DDAH1: variants seen among roughly 807,000 people sequenced by gnomAD.
The protein encoded by DDAH1 is N(G),N(G)-dimethylarginine dimethylaminohydrolase 1.
A neutral mutation model predicts 28.8 loss-of-function variants in DDAH1; 19 were observed. That is an observed-to-expected ratio of 0.66 (90% confidence interval 0.46 to 0.97). The LOEUF is 0.97. Ranked by LOEUF, DDAH1 falls within the 50% of genes least tolerant of loss-of-function variation. DDAH1 has a pLI of 0.00. For synonymous variants in DDAH1, 153 were observed against 154.4 expected (o/e 0.99, Z 0.07); for missense variants, 326 against 375.9 (o/e 0.87, Z 1.10).
chr1:85,465,244 T>G, upstream of DDAH1: 2 of 1,085,436 alleles, frequency 1.8e-6, no homozygotes, highest in Non-Finnish European at 2.2e-6. Context: ...CCCGCGCGCA[T>G]CCCGCGCGCC....
intron 1 of DDAH1, among the ~76,000 whole-genome samples, chr1:85,457,543 T>C (rs905064370): frequency 1.6e-4 from 24 of 152,218 alleles, no homozygotes; most frequent in African/African-American, 5.8e-4. Context: ...AGACAGTTAT[T>C]GAATGTACTA....
At chr1:85,533,371 A>G (rs1307767485) in intron 1 of DDAH1, among the ~76,000 whole-genome samples, 1 of 151,968 alleles carries the variant, frequency 6.6e-6, no homozygotes, top group Non-Finnish European at 1.5e-5. Flanking sequence ...GGGTCTCACT[A>G]TATTGTCCAG....
chr1:85,453,325 A>C (rs892771507), intron 1 of DDAH1, among the ~76,000 whole-genome samples: 4 of 152,212 alleles, frequency 2.6e-5, no homozygotes, highest in Non-Finnish European at 5.9e-5. Context: ...CTCACAAAGA[A>C]AAATGCAGAC....
At chr1:85,441,916 T>G (rs191442899) in intron 1 of DDAH1, among the ~76,000 whole-genome samples, 1 of 152,264 alleles carries the variant, frequency 6.6e-6, no homozygotes, top group Non-Finnish European at 1.5e-5. Context: ...TTATAAAGAC[T>G]TTTCATATAT....
intron 2 of DDAH1, among the ~76,000 whole-genome samples, chr1:85,485,552 G>A (rs1353549753): frequency 6.6e-6 from 1 of 152,072 alleles, no homozygotes; most frequent in East Asian, 1.9e-4. Context: ...CTAAAGTCCT[G>A]CAAATTTTGT....
At chr1:85,359,133 T>C (rs233095) in intron 1 of DDAH1, among the ~76,000 whole-genome samples, 45,609 of 152,148 alleles carry the variant, frequency 0.3, 7,513 homozygotes, top group South Asian at 0.4. Flanking sequence ...ACAATACTGT[T>C]GGAGGCCGAC....
chr1:85,550,032 T>A (rs10782552), intron 1 of DDAH1, among the ~76,000 whole-genome samples: 134,669 of 152,166 alleles, frequency 0.89, 59,696 homozygotes, highest in South Asian at 0.96. Context: ...GTAGCTACAG[T>A]GTCATAAAAT....
At chr1:85,409,430 G>A (rs541606976) in intron 1 of DDAH1, among the ~76,000 whole-genome samples, 1 of 152,310 alleles carries the variant, frequency 6.6e-6, no homozygotes, top group East Asian at 1.9e-4. Flanking sequence ...ACAGGACAAA[G>A]TGTAATCATC....
intron 2 of DDAH1, among the ~76,000 whole-genome samples, chr1:85,470,850 C>T (rs1307323571): frequency 3.3e-5 from 5 of 152,256 alleles, no homozygotes; most frequent in African/African-American, 9.6e-5. Flanking sequence ...ATTGAAGAAA[C>T]ATTTACTAAG....
At chr1:85,553,456 C>T (rs535521358) in intron 1 of DDAH1, among the ~76,000 whole-genome samples, 1 of 152,184 alleles carries the variant, frequency 6.6e-6, no homozygotes, top group Admixed American at 6.5e-5. Context: ...CTCTAGAAAT[C>T]ATGTAGTTGC....
chr1:85,325,171 G>A (rs1647296229), intron 4 of DDAH1, among the ~76,000 whole-genome samples: 1 of 152,114 alleles, frequency 6.6e-6, no homozygotes, highest in South Asian at 2.1e-4. Flanking sequence ...GTCTTTGTTC[G>A]TAAGACTTAT....
At chr1:85,443,517 G>A (rs1654296548) in intron 1 of DDAH1, among the ~76,000 whole-genome samples, 1 of 152,078 alleles carries the variant, frequency 6.6e-6, no homozygotes, top group African/African-American at 2.4e-5. Context: ...GGGGCTCTTT[G>A]TTGGTTCCAT....
intron 1 of DDAH1, among the ~76,000 whole-genome samples, chr1:85,364,764 G>A (rs1291265150): frequency 3.3e-5 from 5 of 151,960 alleles, no homozygotes; most frequent in African/African-American, 9.7e-5. Flanking sequence ...GGCTGGTCTC[G>A]AACTCCTGAC....
chr1:85,411,462 G>GAAC, intron 1 of DDAH1, among the ~76,000 whole-genome samples: 1 of 152,144 alleles, frequency 6.6e-6, no homozygotes, highest in South Asian at 2.1e-4. Context: ...CTGATGAGGG[G>GAAC]ACTGATGCTG....
chr1:85,482,758 T>C (rs1656052622), intron 2 of DDAH1, among the ~76,000 whole-genome samples: 1 of 152,226 alleles, frequency 6.6e-6, no homozygotes, highest in Non-Finnish European at 1.5e-5. Context: ...ATTATAAAAA[T>C]TCATACATGT....
At chr1:85,333,622 G>A (rs1410040682) in intron 4 of DDAH1, among the ~76,000 whole-genome samples, 1 of 151,548 alleles carries the variant, frequency 6.6e-6, no homozygotes, top group African/African-American at 2.4e-5. Flanking sequence ...ATTCACCAAG[G>A]AGATAGACAT....
At chr1:85,336,115 A>C (rs1648101160) in intron 4 of DDAH1, among the ~76,000 whole-genome samples, 1 of 152,214 alleles carries the variant, frequency 6.6e-6, no homozygotes, top group Non-Finnish European at 1.5e-5. Context: ...AAAGTGAACA[A>C]AGACACGTTA....
chr1:85,429,908 CT>C (rs1380083851), intron 1 of DDAH1, among the ~76,000 whole-genome samples: 4 of 152,062 alleles, frequency 2.6e-5, no homozygotes, highest in Non-Finnish European at 5.9e-5. Context: ...GATATTAGCC[CT>C]TTGTCAGATG....
chr1:85,444,336 G>A (rs1026708446), intron 1 of DDAH1, among the ~76,000 whole-genome samples: 1 of 152,168 alleles, frequency 6.6e-6, no homozygotes, highest in Non-Finnish European at 1.5e-5. Context: ...TGCATTTGTA[G>A]AACCAGCCTT....
Sources: allele counts gnomAD v4.1 joint callset (sites outside exome capture counted in the v4.1 genomes callset), GRCh38; gene constraint gnomAD v4.1.1; transcripts MANE v1.5; gene names NCBI Gene and HGNC (gene_info 2026-07-23, HGNC 2026-07-21).